The following RAB3GAP1 variants were observed in gnomAD, a reference collection of about 807,000 sequenced individuals.
The protein encoded by RAB3GAP1 is rab3 GTPase-activating protein catalytic subunit.
Under a neutral mutation model 130.7 loss-of-function variants are expected in RAB3GAP1, and 86 were observed. The observed-to-expected ratio is 0.66, with a 90% CI of 0.55 to 0.79. RAB3GAP1 has a LOEUF of 0.79. RAB3GAP1 is among the 30% of genes least tolerant of loss of function. The probability of loss-of-function intolerance (pLI) is 0.00; values close to 1 mark genes in which losing one functional copy is unlikely to be tolerated. For synonymous variants in RAB3GAP1, 367 were observed against 401.7 expected (o/e 0.91, Z 1.03); for missense variants, 1,029 against 1,169.4 (o/e 0.88, Z 1.75).
intron 3 of RAB3GAP1, among the ~76,000 whole-genome samples, chr2:135,083,767 G>GTTT (rs34087354): frequency 2.5e-4 from 25 of 98,230 alleles, no homozygotes; most frequent in South Asian, 3.7e-4. Flanking sequence ...ACCCAACACG[G>GTTT]TTTTTTTTTT....
At chr2:135,103,825 G>A (rs1203845111) in intron 5 of RAB3GAP1, among the ~76,000 whole-genome samples, 2 of 152,186 alleles carry the variant, frequency 1.3e-5, no homozygotes, top group African/African-American at 2.4e-5. Context: ...GTTAGACCAA[G>A]GTTGCAGTCC....
At chr2:135,085,804 A>C (rs1273848863) in intron 3 of RAB3GAP1, among the ~76,000 whole-genome samples, 1 of 152,182 alleles carries the variant, frequency 6.6e-6, no homozygotes, top group Non-Finnish European at 1.5e-5. Context: ...TATGATTTAT[A>C]CACAGCGAAG....
chr2:135,072,110 T>G (rs1689492121), intron 3 of RAB3GAP1, among the ~76,000 whole-genome samples: 1 of 152,098 alleles, frequency 6.6e-6, no homozygotes, highest in South Asian at 2.1e-4. Context: ...GAGGTTTCAC[T>G]GTGTTGACCA....
intron 13 of RAB3GAP1, 142 bp from the exon 14 acceptor site, chr2:135,132,753 A>C: frequency 1.6e-6 from 1 of 626,888 alleles, no homozygotes; most frequent in South Asian, 1.9e-5. Context: ...GTGTAGAACA[A>C]ACTGGCCAAT....
chr2:135,126,427 T>A (rs550220153), intron 10 of RAB3GAP1, among the ~76,000 whole-genome samples, 156 bp from the exon 11 acceptor site: 1 of 152,344 alleles, frequency 6.6e-6, no homozygotes, highest in East Asian at 1.9e-4. Flanking sequence ...TAAAAACTTA[T>A]CCAAATGGCT....
At chr2:135,075,703 A>T in intron 3 of RAB3GAP1, among the ~76,000 whole-genome samples, 4 of 131,136 alleles carry the variant, frequency 3.1e-5, no homozygotes, top group South Asian at 2.4e-4. Flanking sequence ...TTTCCTTCAT[A>T]TGGGGGTTTT....
chr2:135,056,237 CTG>C (rs773436144), intron 2 of RAB3GAP1, among the ~76,000 whole-genome samples: 177 of 152,262 alleles, frequency 1.2e-3, no homozygotes, highest in Admixed American at 3.5e-3. Flanking sequence ...GAGTCTCACT[CTG>C]TTGCCCAGGC....
Position 135,091,039 on chromosome 2 carries a change from A to G in RAB3GAP1, c.192A>G (p.Glu64=). The change falls in exon 4 of 24, where the codon GAA becomes GAG. Residue 64 remains glutamate, a synonymous_variant. Transcript: ENST00000264158. ...GCACATGGGAAGAGAAATCAGATGA[A>G]ATTTCCTTTGCTGACTTCAAGTTCT... The part of the protein sequence containing the change: ...TSGTWEEKSD[E]ISFADFKFSV... The G allele has an allele frequency of 6.2e-7, 1 of 1,612,516 alleles. No individual in the cohort carries two copies. Among genetic ancestry groups the G allele is most frequent in the Non-Finnish European group, 8.5e-7 (1 of 1,178,772 alleles).
Position 135,113,394 on chromosome 2 carries a change from A to G in RAB3GAP1, c.482+124A>G, listed in dbSNP as rs577631605. ...AGGAACTTAGTGCATATATATTGTT[A>G]AACTAAATTTGACTTGAGGTTACCT... On this transcript the variant is annotated intron_variant, in intron 6 of 23. Coordinates refer to ENST00000264158, the MANE Select transcript of RAB3GAP1 (RefSeq NM_012233.3). 3.1e-6 allele frequency: 4 copies of G among 1,301,758 alleles called. No homozygotes were observed. The South Asian group carries it at 5.0e-5, about 16-fold the overall frequency. 80.6% of individuals were successfully genotyped at this position (1,301,758 alleles called of 1,614,324 possible). A position where few individuals can be genotyped will look rare whatever the true frequency, so the allele number is the denominator to read the frequency against.
At chr2:135,156,160 G>A (rs1692303131) in intron 19 of RAB3GAP1, among the ~76,000 whole-genome samples, 1 of 151,906 alleles carries the variant, frequency 6.6e-6, no homozygotes, top group South Asian at 2.1e-4. Flanking sequence ...AAAACAGAAA[G>A]TATAAACAGA....
intron 5 of RAB3GAP1, among the ~76,000 whole-genome samples, chr2:135,109,422 AT>A (rs1188863074): frequency 6.6e-6 from 1 of 152,114 alleles, no homozygotes; most frequent in African/African-American, 2.4e-5. Context: ...TTACAATTAA[AT>A]TAAAATATTA....
rs559117486 is a variant in RAB3GAP1 at position 135,143,343 on chromosome 2, A to G, written c.1924-7026A>G. On this transcript the variant is annotated intron_variant, in intron 17 of 23. Coordinates refer to ENST00000264158, the MANE Select transcript of RAB3GAP1 (RefSeq NM_012233.3). Reference sequence around the variant, plus strand: ...ATATTATCTCTTTTGTTCCTGATCTATAAGAGGGTTTTATTAATTTTATGA... The same window carrying G: ...ATATTATCTCTTTTGTTCCTGATCTGTAAGAGGGTTTTATTAATTTTATGA... Among the ~76,000 whole-genome samples the G allele has an allele frequency of 2.6e-4, 40 of 152,036 alleles. 1 individual carries two copies. The South Asian group carries it at 7.3e-3, about 28-fold the overall frequency.
At position 135,150,361 on chromosome 2, in the gene RAB3GAP1, C is replaced by T. The variant is rs1274811324; in HGVS notation, c.1924-8C>T. ...TGTTTATGAGCCTTGTCCTTTTGTG[C>T]TTCACAGGAACCAGCACCTATGACA... On this transcript the variant is annotated splice_region_variant and splice_polypyrimidine_tract_variant and intron_variant, in intron 17 of 23. Coordinates refer to ENST00000264158, the MANE Select transcript of RAB3GAP1 (RefSeq NM_012233.3). 1 of 1,614,088 alleles carries T rather than the reference C, an allele frequency of 6.2e-7. No homozygotes were observed.
In RAB3GAP1 at chr2:135,117,562, C is replaced by T. The variant is rs1691031903; in HGVS notation, c.648+2181C>T. Among the ~76,000 whole-genome samples, 4 of 151,394 alleles carry T rather than the reference C, an allele frequency of 2.6e-5. No homozygotes were observed. In the South Asian group the frequency reaches 8.3e-4, roughly 32 times the overall value. ...TCTTCTGCTTCTTCTTCTTCTGCTT[C>T]TTCTTCTGCTTCTTCTTCTGCTTCT... On this transcript the variant is annotated intron_variant, in intron 7 of 23. Coordinates refer to ENST00000264158, the MANE Select transcript of RAB3GAP1 (RefSeq NM_012233.3).
At chr2:135,134,547 A>T (rs936759130) in intron 15 of RAB3GAP1, among the ~76,000 whole-genome samples, 59 of 152,198 alleles carry the variant, frequency 3.9e-4, no homozygotes, top group African/African-American at 1.4e-3. Context: ...TACTTAATCA[A>T]ACAGAACATT....
chr2:135,117,786 GCTTCTTCTT>G (rs1164520454), intron 7 of RAB3GAP1, among the ~76,000 whole-genome samples: 9 of 119,308 alleles, frequency 7.5e-5, no homozygotes, highest in Admixed American at 1.7e-4. Context: ...TGCTTCTTCT[GCTTCTTCTT>G]CTTCTTCTTC....
intron 3 of RAB3GAP1, among the ~76,000 whole-genome samples, chr2:135,090,023 A>T (rs1381758574): frequency 6.6e-6 from 1 of 152,198 alleles, no homozygotes; most frequent in Non-Finnish European, 1.5e-5. Context: ...CCACTATGGC[A>T]CGTGTATAGC....
chr2:135,115,349 T>A lies in RAB3GAP1; in HGVS notation c.616T>A (p.Ser206Thr). ...RKVPNQYTHL[S>T]GLLDIFKSKI... The stretch of plus-strand genomic sequence containing the variant: ...AGTGCCAAATCAGTACACTCACTTA[T>A]CAGGTCTGCTGGATATCTTCAAATC... Residue 206 changes from serine (S) to threonine (T), a missense_variant, in exon 7 of 24, where the codon TCA becomes ACA. This residue lies in a region of RAB3GAP1 where 510 missense variants were observed against 532.1 expected (regional missense o/e 0.96). Coordinates refer to ENST00000264158, the MANE Select transcript of RAB3GAP1 (RefSeq NM_012233.3). 1 of 1,613,698 alleles carries A rather than the reference T, an allele frequency of 6.2e-7. No homozygotes were observed. Among genetic ancestry groups the A allele is most frequent in the Non-Finnish European group, 8.5e-7 (1 of 1,179,624 alleles).
At position 135,135,887 on chromosome 2, in the gene RAB3GAP1, T is replaced by C; in HGVS notation, c.1878T>C (p.Leu626=). The change falls in exon 17 of 24, where the codon CTT becomes CTC. Residue 626 remains leucine (L), a synonymous_variant. Transcript: ENST00000264158. ...PEGRLYQHGK[L]TLLHNGEPLY... is the part of the protein sequence containing the mutation. ...GACGGCTCTATCAGCATGGGAAACT[T>C]ACACTGCTGCATAATGGAGAACCTC... is the stretch of plus-strand genomic sequence containing the variant. 1.2e-6 allele frequency: 2 copies of C among 1,614,140 alleles called. No individual in the cohort carries two copies. The highest frequency in any genetic ancestry group is 1.7e-6 in the Non-Finnish European group (2 of 1,179,956).
Sources: gnomAD v4.1 joint callset for allele counts (sites outside exome capture counted in the v4.1 genomes callset) on GRCh38, gnomAD v4.1.1 for gene constraint, gnomAD v4.1.1 regional missense constraint, MANE v1.5 for transcripts, NCBI Gene and HGNC (gene_info 2026-07-23, HGNC 2026-07-21) for gene names.